PCCA: variants seen among roughly 807,000 people sequenced by gnomAD.
PCCA encodes propionyl-CoA carboxylase alpha chain, mitochondrial.
PCCA carries 74 observed loss-of-function variants against 101.3 expected under a neutral mutation model. The ratio of observed to expected loss-of-function variants is 0.73; its 90% CI spans 0.61 to 0.89. The LOEUF (loss-of-function observed/expected upper bound fraction) is 0.89, where lower values mean the gene tolerates loss of function less well. Ranked by LOEUF, PCCA falls within the 40% of genes least tolerant of loss-of-function variation. The pLI is 0.00. For missense variants in PCCA, 891 were observed against 907.0 expected, an observed-to-expected ratio of 0.98 and a Z score of 0.23; for synonymous variants, 294 against 313.6, an observed-to-expected ratio of 0.94 and a Z score of 0.66.
At chr13:100,517,166 T>G (rs837287) in intron 22 of PCCA, among the ~76,000 whole-genome samples, 47,534 of 151,156 alleles carry the variant, frequency 0.31, 7,874 homozygotes, top group Middle Eastern at 0.4. Flanking sequence ...CGGGCAGGGA[T>G]GAGGGAGACC....
chr13:100,266,766 G>A (rs538466944), intron 10 of PCCA, among the ~76,000 whole-genome samples: 2 of 152,150 alleles, frequency 1.3e-5, no homozygotes, highest in African/African-American at 4.8e-5. Flanking sequence ...TTCTCAACCA[G>A]GGCACTACTG....
chr13:100,244,614 C>CTT (rs11418617), intron 8 of PCCA, among the ~76,000 whole-genome samples: 2 of 152,008 alleles, frequency 1.3e-5, no homozygotes, highest in African/African-American at 2.4e-5. Flanking sequence ...AAAAACATTG[C>CTT]TTTTTTTGTT....
At chr13:100,229,411 A>G (rs1566753589) in intron 7 of PCCA, among the ~76,000 whole-genome samples, 1 of 152,250 alleles carries the variant, frequency 6.6e-6, no homozygotes, top group African/African-American at 2.4e-5. Context: ...CTGTGCTAAC[A>G]TTCTTAAATA....
chr13:100,327,415 G>A lies in PCCA; in HGVS notation c.1430-3146G>A, dbSNP rs147293973. On this transcript the variant is annotated intron_variant, in intron 16 of 23. Transcript: ENST00000376285. ...TTAATGTGTTATTGACTCTGTGTGT[G>A]TATGTGGAATAGAATTCCATTGTAT... Among the ~76,000 whole-genome samples, 20 of 152,312 alleles carry A rather than the reference G, an allele frequency of 1.3e-4. 1 individual carries two copies. The highest frequency in any genetic ancestry group is 3.4e-3 in the Middle Eastern group (1 of 294).
chr13:100,241,620 G>A (rs2061143681), intron 8 of PCCA, among the ~76,000 whole-genome samples: 1 of 152,012 alleles, frequency 6.6e-6, no homozygotes, highest in South Asian at 2.1e-4. Flanking sequence ...ACAGGTGTGT[G>A]CCACTATGCC....
chr13:100,521,702 C>G (rs967250921), intron 22 of PCCA, among the ~76,000 whole-genome samples: 4 of 152,148 alleles, frequency 2.6e-5, no homozygotes, highest in East Asian at 3.8e-4. Context: ...GTTAACTGAA[C>G]CTTTCTTCAG....
At chr13:100,396,609 G>A (rs890638999) in intron 19 of PCCA, among the ~76,000 whole-genome samples, 7 of 152,164 alleles carry the variant, frequency 4.6e-5, no homozygotes, top group Non-Finnish European at 5.9e-5. Flanking sequence ...CTAGGCGTTC[G>A]AGGTTAGCCT....
chr13:100,150,948 A>G (rs2053239934), intron 4 of PCCA: 2 of 1,514,402 alleles, frequency 1.3e-6, no homozygotes, highest in Non-Finnish European at 1.8e-6. Flanking sequence ...CAGCCCAGTC[A>G]GCGCGCTTTA....
At chr13:100,200,326 G>A (rs372632749) in intron 6 of PCCA, among the ~76,000 whole-genome samples, 3 of 152,168 alleles carry the variant, frequency 2.0e-5, no homozygotes, top group East Asian at 3.9e-4. Context: ...GAATGGTCTC[G>A]ATTTCCTGAC....
intron 23 of PCCA, 88 bp from the exon 24 acceptor site, chr13:100,530,010 T>TTTTAGA: frequency 9.6e-7 from 1 of 1,040,786 alleles, no homozygotes; most frequent in Non-Finnish European, 1.5e-6. Context: ...GACTGTGCAT[T>TTTTAGA]TTTAGAAATG....
intron 19 of PCCA, among the ~76,000 whole-genome samples, chr13:100,405,010 C>T (rs768030675): frequency 3.1e-4 from 47 of 152,158 alleles, no homozygotes; most frequent in Non-Finnish European, 5.9e-4. Context: ...AAATGTGTCT[C>T]GAGGGGAGTT....
intron 4 of PCCA, among the ~76,000 whole-genome samples, chr13:100,120,349 T>G (rs749929913): frequency 1.1e-4 from 17 of 152,208 alleles, no homozygotes; most frequent in Non-Finnish European, 2.1e-4. Flanking sequence ...CTGCTTCCTT[T>G]TTCTTTTTCA....
At chr13:100,372,696 A>C (rs533973925) in intron 19 of PCCA, among the ~76,000 whole-genome samples, 10 of 152,294 alleles carry the variant, frequency 6.6e-5, no homozygotes, top group African/African-American at 2.4e-4. Context: ...GGCAACCCAC[A>C]GAACGGGAGA....
At chr13:100,413,687 C>T (rs2078187300) in intron 19 of PCCA, among the ~76,000 whole-genome samples, 1 of 152,108 alleles carries the variant, frequency 6.6e-6, no homozygotes, top group African/African-American at 2.4e-5. Context: ...ATGCATTTTA[C>T]ATATGAGAAA....
chr13:100,408,646 G>C (rs7321438), intron 19 of PCCA, among the ~76,000 whole-genome samples: 4,402 of 152,284 alleles, frequency 0.029, 235 homozygotes, highest in African/African-American at 0.1. Flanking sequence ...TATGGAACCA[G>C]AGAGGGCTCA....
rs780140416 is a variant in PCCA at position 100,257,628 on chromosome 13, G to C, written c.671G>C (p.Gly224Ala). Residue 224 changes from glycine (G) to alanine (A), a missense_variant, in exon 9 of 24, where the codon GGT (glycine) becomes GCT (alanine). Physicochemically the swap from Gly to Ala is moderately conservative, Grantham distance 60. Transcript: ENST00000376285. ...GTCATGATCAAGGCCTCAGCAGGTGGTGGTGGGAAAGGCATGCGCATTGCT... is the reference window on the plus strand; with the variant it reads ...GTCATGATCAAGGCCTCAGCAGGTGCTGGTGGGAAAGGCATGCGCATTGCT... ...YPVMIKASAG[G>A]GGKGMRIAWD... is the part of the protein sequence containing the mutation. The C allele has an allele frequency of 6.2e-7, 1 of 1,613,956 alleles. No individual in the cohort carries two copies. The highest frequency in any genetic ancestry group is 8.5e-7 in the Non-Finnish European group (1 of 1,179,914).
At chr13:100,348,771 T>TTCCTTC (rs1566976199) in intron 18 of PCCA, among the ~76,000 whole-genome samples, 26 of 92,026 alleles carry the variant, frequency 2.8e-4, no homozygotes, top group East Asian at 5.0e-4. Context: ...TTTCTTTCTT[T>TTCCTTC]CTTTCTTTCT....
chr13:100,335,713 T>G (rs1369535797), intron 17 of PCCA, among the ~76,000 whole-genome samples: 1 of 152,124 alleles, frequency 6.6e-6, no homozygotes, highest in African/African-American at 2.4e-5. Context: ...ACATAATAAA[T>G]GTGGTGACAC....
At chr13:100,474,511 G>T (rs1047992089) in intron 21 of PCCA, among the ~76,000 whole-genome samples, 2 of 149,016 alleles carry the variant, frequency 1.3e-5, no homozygotes, top group Non-Finnish European at 3.0e-5. Flanking sequence ...ATTGAGACAG[G>T]ATCTCACTCT....
Sources: allele counts gnomAD v4.1 joint callset (sites outside exome capture counted in the v4.1 genomes callset), GRCh38; gene constraint gnomAD v4.1.1; transcripts MANE v1.5; gene names NCBI Gene and HGNC (gene_info 2026-07-23, HGNC 2026-07-21).